SLC6A2: variants seen among roughly 807,000 people sequenced by gnomAD.
SLC6A2 encodes the protein solute carrier family 6 member 2, also known as sodium-dependent noradrenaline transporter.
SLC6A2 carries 26 observed loss-of-function variants against 71.7 expected under a neutral mutation model. The ratio of observed to expected loss-of-function variants is 0.36; its 90% CI spans 0.27 to 0.50. The LOEUF (loss-of-function observed/expected upper bound fraction) is 0.50, where lower values mean the gene tolerates loss of function less well. Among genes scored for constraint, SLC6A2 ranks in the 20% least tolerant of loss-of-function variants. The pLI is 0.96. For missense variants in SLC6A2, 581 were observed against 803.9 expected (o/e 0.72, Z 3.35); for synonymous variants, 363 against 337.9 (o/e 1.07, Z -0.82).
At chr16:55,669,338 A>G (rs1470265303) in intron 2 of SLC6A2, among the ~76,000 whole-genome samples, 1 of 152,200 alleles carries the variant, frequency 6.6e-6, no homozygotes, top group African/African-American at 2.4e-5. Context: ...TGCTTTGCTT[A>G]ACCTAGATTT....
chr16:55,693,524 G>A (rs1035435555), intron 6 of SLC6A2, among the ~76,000 whole-genome samples: 5 of 152,180 alleles, frequency 3.3e-5, no homozygotes, highest in Admixed American at 6.5e-5. Context: ...TCAGGCCTCC[G>A]GCCATGTGCC....
At chr16:55,685,553 G>C (rs34417293) in intron 5 of SLC6A2, among the ~76,000 whole-genome samples, 2 of 151,934 alleles carry the variant, frequency 1.3e-5, no homozygotes, top group African/African-American at 4.8e-5. Flanking sequence ...CTCCCTAATA[G>C]CAGAGACCAG....
intron 2 of SLC6A2, 45 bp from the exon 3 acceptor site, chr16:55,669,520 G>A (rs1567434677): frequency 1.2e-6 from 2 of 1,611,508 alleles, no homozygotes; most frequent in Non-Finnish European, 1.7e-6. Context: ...AAGACTGGGA[G>A]GGGCAGGGGT....
In SLC6A2 at chr16:55,673,660, T is replaced by G. The variant is rs1001330450; in HGVS notation, c.644+1485T>G. Among the ~76,000 whole-genome samples the G allele has an allele frequency of 4.6e-5, 7 of 152,266 alleles. No individual in the cohort carries two copies. The East Asian group carries it at 1.2e-3, about 25-fold the overall frequency. On this transcript the variant is annotated intron_variant, in intron 4 of 14. Transcript: ENST00000568943. ...CACTGCAACTTCCACTTCCCACATT[T>G]AAGTGATTCTCCTGCCTCAGCCTCC...
In SLC6A2 at chr16:55,702,641, G is replaced by T; in HGVS notation, c.*295G>T. On this transcript the variant is annotated 3_prime_UTR_variant, in exon 15 of 15. Transcript: ENST00000568943. ...CACTTTGGGATCCTGCTGAAGCTAG[G>T]TTCATGAGGTCGGAAATCCCCACCA... is the stretch of plus-strand genomic sequence containing the variant. The T allele has an allele frequency of 1.5e-6, 2 of 1,342,960 alleles. No individual in the cohort carries two copies. The highest frequency in any genetic ancestry group is 1.9e-6 in the Non-Finnish European group (2 of 1,044,112). The allele number at this position is 1,342,960 out of a possible 1,614,324, so 83.2% of individuals were successfully genotyped here.
rs78438751 is a variant in SLC6A2, at chr16:55,663,750, C to T, written c.275-5815C>T. The stretch of plus-strand genomic sequence containing the variant: ...GCACGTTAGGCCTCAGAAAACAGAA[C>T]CTCTCTCTCTTTGACCTTCTCCTGC... On this transcript the variant is annotated intron_variant, in intron 2 of 14. Coordinates refer to ENST00000568943, the MANE Select transcript of SLC6A2 (RefSeq NM_001172501.3). Among the ~76,000 whole-genome samples the T allele has an allele frequency of 2.9e-4, 44 of 152,276 alleles. 1 individual carries two copies. The East Asian group carries it at 7.1e-3, about 25-fold the overall frequency.
intron 2 of SLC6A2, among the ~76,000 whole-genome samples, chr16:55,663,197 A>T (rs1567431197): frequency 1.3e-5 from 2 of 152,262 alleles, no homozygotes; most frequent in South Asian, 2.1e-4. Flanking sequence ...TGGTTTAGAT[A>T]TGGTTTGTTT....
At chr16:55,672,992 A>G (rs1315836293) in intron 4 of SLC6A2, among the ~76,000 whole-genome samples, 3 of 152,260 alleles carry the variant, frequency 2.0e-5, no homozygotes, top group Admixed American at 2.0e-4. Context: ...CGGAAAATTA[A>G]CATTGATACA....
intron 6 of SLC6A2, among the ~76,000 whole-genome samples, chr16:55,693,439 G>A (rs149973885): frequency 3.9e-5 from 6 of 152,296 alleles, no homozygotes; most frequent in African/African-American, 1.4e-4. Flanking sequence ...ATACAGATGA[G>A]GAAACAGACA....
intron 2 of SLC6A2, among the ~76,000 whole-genome samples, chr16:55,665,897 T>C (rs1334086326): frequency 1.3e-5 from 2 of 152,248 alleles, no homozygotes; most frequent in Admixed American, 1.3e-4. Context: ...AATGCTTTTC[T>C]TACTAAATTC....
chr16:55,669,503 C>A, intron 2 of SLC6A2, 62 bp from the exon 3 acceptor site: 1 of 1,597,508 alleles, frequency 6.3e-7, no homozygotes, highest in Non-Finnish European at 8.6e-7. Flanking sequence ...CTTGCAGACA[C>A]GGATCCAAGA....
rs1567457747 is a variant in SLC6A2 at position 55,698,572 on chromosome 16, T to C, written c.1489+4T>C. ...ATCGGAGTTTCCTGGTTTTATGGTA[T>C]GTGAGTGTGTGGAAAAGCCTCAGCT... On this transcript the variant is annotated splice_donor_region_variant and intron_variant, in intron 11 of 14. Transcript: ENST00000568943. The C allele has an allele frequency of 2.5e-6, 4 of 1,597,676 alleles. No homozygotes were observed. The highest frequency in any genetic ancestry group is 2.2e-5 in the South Asian group (2 of 90,764).
chr16:55,702,204 T>C lies in SLC6A2; in HGVS notation c.1831-119T>C, dbSNP rs1292595457. On this transcript the variant is annotated intron_variant, in intron 14 of 14. Transcript: ENST00000568943. Reference sequence around the variant, plus strand: ...GAATCAACTTGCACGTTCCCTGAGGTCCGTGAAGGAAGGGGGTGTTTTTCT... The same window carrying C: ...GAATCAACTTGCACGTTCCCTGAGGCCCGTGAAGGAAGGGGGTGTTTTTCT... 3 of 997,682 alleles carry C rather than the reference T, an allele frequency of 3.0e-6. No individual in the cohort carries two copies. The East Asian group carries it at 7.1e-5, about 24-fold the overall frequency. The allele number at this position is 997,682 out of a possible 1,614,324, so 61.8% of individuals were successfully genotyped here.
rs1966003603 is a variant in SLC6A2 at position 55,702,500 on chromosome 16, CTG to C, written c.*156_*157del. Reference sequence around the variant, plus strand: ...TTCCCATTTACAAATGATTTCGTGACTGTAGTTTTTGTTCACCTTCTGTGCAT... The same window carrying C: ...TTCCCATTTACAAATGATTTCGTGACTAGTTTTTGTTCACCTTCTGTGCAT... On this transcript the variant is annotated 3_prime_UTR_variant, in exon 15 of 15. Transcript: ENST00000568943. 1 of 1,538,982 alleles carries C rather than the reference CTG, an allele frequency of 6.5e-7. No individual in the cohort carries two copies. The highest frequency in any genetic ancestry group is 1.4e-5 in the African/African-American group (1 of 72,940).
rs567634685 is a variant in SLC6A2 at position 55,686,052 on chromosome 16, C to T, written c.783+771C>T. Among the ~76,000 whole-genome samples the T allele has an allele frequency of 2.0e-5, 3 of 152,228 alleles. No individual in the cohort carries two copies. In the East Asian group the frequency reaches 5.8e-4, roughly 29 times the overall value. Reference sequence around the variant, plus strand: ...GGATATGGATGGGAAATTTTCTTTCCAGTGTTGTGGTGAGCTAATGCTGTG... The same window carrying T: ...GGATATGGATGGGAAATTTTCTTTCTAGTGTTGTGGTGAGCTAATGCTGTG... On this transcript the variant is annotated intron_variant, in intron 5 of 14. Coordinates refer to ENST00000568943, the MANE Select transcript of SLC6A2 (RefSeq NM_001172501.3).
chr16:55,663,745 C>A (rs1454783553), intron 2 of SLC6A2, among the ~76,000 whole-genome samples: 1 of 152,188 alleles, frequency 6.6e-6, no homozygotes, highest in Non-Finnish European at 1.5e-5. Context: ...CCTCAGAAAA[C>A]AGAACCTCTC....
At position 55,656,318 on chromosome 16, in the gene SLC6A2, C is replaced by A; in HGVS notation, c.-52+149C>A. ...GCTGTTGAAGTGTCGCGGACCTGAGCTGGGGAGGGGGTCGGCACGCTGCCC... is the reference window on the plus strand; with the variant it reads ...GCTGTTGAAGTGTCGCGGACCTGAGATGGGGAGGGGGTCGGCACGCTGCCC... On this transcript the variant is annotated intron_variant, in intron 1 of 14. Coordinates refer to ENST00000568943, the MANE Select transcript of SLC6A2 (RefSeq NM_001172501.3). This position sits in a 1 kb window ranked among gnomAD's most constrained non-coding sequence, Gnocchi z 4.5. 1 of 367,740 alleles carries A rather than the reference C, an allele frequency of 2.7e-6. No homozygotes were observed. Among genetic ancestry groups the A allele is most frequent in the South Asian group, 2.4e-5 (1 of 40,910 alleles). The allele number at this position is 367,740 out of a possible 1,614,324, so 22.8% of individuals were successfully genotyped here.
At chr16:55,662,487 G>T (rs1157663017) in intron 2 of SLC6A2, among the ~76,000 whole-genome samples, 1 of 152,168 alleles carries the variant, frequency 6.6e-6, no homozygotes, top group Non-Finnish European at 1.5e-5. Context: ...AATATTGGAG[G>T]TATTAATCCC....
In SLC6A2 at chr16:55,668,398, C is replaced by T. The variant is rs560243025; in HGVS notation, c.275-1167C>T. 2.6e-5 allele frequency among the ~76,000 whole-genome samples: 4 copies of T among 152,286 alleles called. No homozygotes were observed. In the South Asian group the frequency reaches 8.3e-4, roughly 32 times the overall value. On this transcript the variant is annotated intron_variant, in intron 2 of 14. Transcript: ENST00000568943. ...CGAGCAAGTGTGAGCTGCTGGTATC[C>T]ATTGTTAATATTGCTAATGTTACCA...
Sources: gnomAD v4.1 joint callset for allele counts (sites outside exome capture counted in the v4.1 genomes callset) on GRCh38, gnomAD v4.1.1 for gene constraint, Gnocchi (gnomAD v3.1) non-coding constraint, MANE v1.5 for transcripts, NCBI Gene and HGNC (gene_info 2026-07-23, HGNC 2026-07-21) for gene names.